The following IL33 variants were observed in gnomAD, a reference collection of about 807,000 sequenced individuals.
IL33 encodes interleukin 33.
In IL33, 37 loss-of-function variants were observed where a neutral mutation model predicts 27.3. That is an observed-to-expected ratio of 1.36 (90% CI 1.04 to 1.78). The LOEUF (loss-of-function observed/expected upper bound fraction) is 1.78, where lower values mean the gene tolerates loss of function less well. Among genes scored for constraint, IL33 ranks in the 40% most tolerant of loss-of-function variants. The pLI, the probability that IL33 is intolerant of heterozygous loss-of-function variation, is 0.00. For missense variants in IL33, 406 were observed against 311.4 expected (o/e 1.30, Z -2.29); for synonymous variants, 132 against 102.9 (o/e 1.28, Z -1.71).
chr9:6,247,431 G>A (rs1465039351), intron 2 of IL33, among the ~76,000 whole-genome samples: 1 of 152,136 alleles, frequency 6.6e-6, no homozygotes, highest in African/African-American at 2.4e-5. Context: ...AACGAAAGAC[G>A]GAGTGATTCA....
At chr9:6,251,351 C>T in intron 4 of IL33, 86 bp downstream of exon 4, 1 of 1,567,504 alleles carries the variant, frequency 6.4e-7, no homozygotes, top group Non-Finnish European at 8.6e-7. Context: ...GTAGCAGTCC[C>T]AAGTCTGTGT....
At chr9:6,245,685 A>C (rs1819794313) in intron 2 of IL33, among the ~76,000 whole-genome samples, 1 of 152,202 alleles carries the variant, frequency 6.6e-6, no homozygotes, top group African/African-American at 2.4e-5. Flanking sequence ...CAGAAGGTGA[A>C]ATCAAAAAGA....
intron 1 of IL33, among the ~76,000 whole-genome samples, chr9:6,237,786 C>T (rs1819312382): frequency 6.6e-6 from 1 of 151,876 alleles, no homozygotes; most frequent in Non-Finnish European, 1.5e-5. Flanking sequence ...TTTTGAATGA[C>T]CAGGAATTGT....
At chr9:6,217,095 A>C (rs1818181010) in intron 1 of IL33, among the ~76,000 whole-genome samples, 1 of 152,016 alleles carries the variant, frequency 6.6e-6, no homozygotes, top group Non-Finnish European at 1.5e-5. Flanking sequence ...AATCACAGGC[A>C]TGTGAAAAAT....
At chr9:6,221,341 T>C (rs1241336144) in intron 1 of IL33, among the ~76,000 whole-genome samples, 2 of 152,066 alleles carry the variant, frequency 1.3e-5, no homozygotes, top group African/African-American at 4.8e-5. Flanking sequence ...CTCAAAGGAG[T>C]ATAAGCTGTT....
At chr9:6,221,310 T>C (rs1380234181) in intron 1 of IL33, among the ~76,000 whole-genome samples, 6 of 152,210 alleles carry the variant, frequency 3.9e-5, no homozygotes, top group Admixed American at 3.3e-4. Context: ...TCATTTAATA[T>C]AAAAAATTAG....
At chr9:6,220,635 AT>A (rs1255972129) in intron 1 of IL33, among the ~76,000 whole-genome samples, 1 of 151,956 alleles carries the variant, frequency 6.6e-6, no homozygotes, top group Admixed American at 6.6e-5. Flanking sequence ...CCTAAATTTT[AT>A]TTTTCCATTA....
At chr9:6,251,549 T>C (rs1300399039) in intron 4 of IL33, among the ~76,000 whole-genome samples, 1 of 152,144 alleles carries the variant, frequency 6.6e-6, no homozygotes, top group Admixed American at 6.5e-5. Flanking sequence ...AAATATGTTA[T>C]CTTTTGGGAA....
intron 6 of IL33, 72 bp downstream of exon 6, chr9:6,253,674 C>G (rs1816550928): frequency 8.4e-7 from 1 of 1,185,386 alleles, no homozygotes; most frequent in African/African-American, 1.5e-5. Flanking sequence ...CCAAAAAAAT[C>G]CTTTTTGCCC....
chr9:6,254,406 A>T, intron 6 of IL33, 56 bp from the exon 7 acceptor site: 1 of 1,154,154 alleles, frequency 8.7e-7, no homozygotes, highest in Non-Finnish European at 1.2e-6. Context: ...GAATTCATTT[A>T]AATAAAGATG....
intron 1 of IL33, among the ~76,000 whole-genome samples, chr9:6,222,349 C>A (rs535514524): frequency 6.6e-6 from 1 of 152,284 alleles, no homozygotes. Context: ...TATTTAATAG[C>A]TGGCATGGCA....
At chr9:6,255,377 T>C (rs945003373) in intron 7 of IL33, among the ~76,000 whole-genome samples, 4 of 152,170 alleles carry the variant, frequency 2.6e-5, no homozygotes, top group African/African-American at 7.2e-5. Flanking sequence ...GTGTTTGGCA[T>C]GTATAACTAC....
Position 6,248,779 on chromosome 9 carries a change from G to A in IL33, c.92-1695G>A, listed in dbSNP as rs142278508. The stretch of plus-strand genomic sequence containing the variant: ...AATTTTTTGTAGAGACGGTCTTACT[G>A]TGTTGCCCAGGCTGGTCTTGAATGT... On this transcript the variant is annotated intron_variant, in intron 2 of 7. Coordinates refer to ENST00000682010, the MANE Select transcript of IL33 (RefSeq NM_033439.4). Among the ~76,000 whole-genome samples the A allele has an allele frequency of 7.5e-3, 1,136 of 151,566 alleles. 9 individuals carry two copies. The highest frequency in any genetic ancestry group is 0.013 in the Non-Finnish European group (852 of 67,870).
intron 1 of IL33, among the ~76,000 whole-genome samples, chr9:6,222,952 T>C (rs1818473246): frequency 6.6e-6 from 1 of 152,242 alleles, no homozygotes; most frequent in South Asian, 2.1e-4. Flanking sequence ...TAAACTAATA[T>C]GTGGAACGCA....
chr9:6,237,039 G>C (rs1819256253), intron 1 of IL33, among the ~76,000 whole-genome samples: 1 of 152,138 alleles, frequency 6.6e-6, no homozygotes, highest in Non-Finnish European at 1.5e-5. Context: ...TAATCCATGT[G>C]TGTGTGTGTC....
In IL33 at chr9:6,228,073, G is replaced by A. The variant is rs534245828; in HGVS notation, c.-12+12221G>A. 5.3e-5 allele frequency among the ~76,000 whole-genome samples: 8 copies of A among 152,302 alleles called. No individual in the cohort carries two copies. In the East Asian group the frequency reaches 1.5e-3, roughly 29 times the overall value. ...ATAATGCTACCCTAACAAGATTGCTGTAATAATTGAATAAGTTAAATATGT... is the reference window on the plus strand; with the variant it reads ...ATAATGCTACCCTAACAAGATTGCTATAATAATTGAATAAGTTAAATATGT... On this transcript the variant is annotated intron_variant, in intron 1 of 7. Coordinates refer to ENST00000682010, the MANE Select transcript of IL33 (RefSeq NM_033439.4).
upstream of IL33, among the ~76,000 whole-genome samples, chr9:6,215,347 A>G (rs1818092643): frequency 6.6e-6 from 1 of 152,242 alleles, no homozygotes; most frequent in Non-Finnish European, 1.5e-5. Flanking sequence ...GTTGGAATAC[A>G]GAGTATTTCA....
At chr9:6,243,124 G>T (rs1461347542) in intron 2 of IL33, among the ~76,000 whole-genome samples, 1 of 152,132 alleles carries the variant, frequency 6.6e-6, no homozygotes, top group African/African-American at 2.4e-5. Context: ...CAACAATGGG[G>T]ATCAAATTTC....
chr9:6,256,123 G>T lies in IL33; in HGVS notation c.768G>T (p.Glu256Asp), dbSNP rs1256205930. The change falls in exon 8 of 8, where the codon GAG becomes GAT. Residue 256 changes from glutamate to aspartate, a missense_variant. Transcript: ENST00000682010. ...CTCTGATTAAAGTAGACTCTTCTGAGAATTTGTGTACTGAAAATATCTTGT... is the reference window on the plus strand; with the variant it reads ...CTCTGATTAAAGTAGACTCTTCTGATAATTTGTGTACTGAAAATATCTTGT... ...HLALIKVDSS[E>D]NLCTENILFK... The T allele has an allele frequency of 6.2e-7, 1 of 1,613,450 alleles. No homozygotes were observed. Among genetic ancestry groups the T allele is most frequent in the Non-Finnish European group, 8.5e-7 (1 of 1,179,568 alleles).
Sources: allele counts gnomAD v4.1 joint callset (sites outside exome capture counted in the v4.1 genomes callset), GRCh38; gene constraint gnomAD v4.1.1; transcripts MANE v1.5; gene names NCBI Gene and HGNC (gene_info 2026-07-23, HGNC 2026-07-21).